Variants in MDGA2 observed in about 807,000 individuals in gnomAD.
MDGA2 encodes the protein MAM domain-containing glycosylphosphatidylinositol anchor protein 2.
MDGA2 carries 40 observed loss-of-function variants against 117.8 expected under a neutral mutation model. The observed-to-expected ratio is 0.34, with a 90% CI of 0.26 to 0.44. MDGA2 has a LOEUF of 0.44. Among genes scored for constraint, MDGA2 ranks in the 20% least tolerant of loss-of-function variants. The pLI is 1.00. For synonymous variants in MDGA2, 452 were observed against 439.0 expected (o/e 1.03, Z -0.37); for missense variants, 1,123 against 1,250.6 (o/e 0.90, Z 1.54).
chr14:47,377,929 C>G (rs1193220571), intron 1 of MDGA2, among the ~76,000 whole-genome samples: 1 of 152,174 alleles, frequency 6.6e-6, no homozygotes, highest in Non-Finnish European at 1.5e-5. Flanking sequence ...GGTCCCTGAC[C>G]CCTGAGTAGC....
At chr14:47,295,911 T>C (rs990462327) in intron 2 of MDGA2, among the ~76,000 whole-genome samples, 3 of 146,012 alleles carry the variant, frequency 2.1e-5, no homozygotes, top group African/African-American at 5.0e-5. Context: ...TCTAAAAATA[T>C]ACATATATAG....
intron 3 of MDGA2, among the ~76,000 whole-genome samples, chr14:47,167,314 T>C (rs1490279302): frequency 2.6e-5 from 4 of 152,180 alleles, no homozygotes; most frequent in Admixed American, 2.6e-4. Context: ...ACCAAGATCT[T>C]TGCTCTTCTC....
rs566213219 is a variant in MDGA2, at chr14:47,570,285, G to C, written c.280+104232C>G. On this transcript the variant is annotated intron_variant, in intron 1 of 16. Transcript: ENST00000399232. The stretch of plus-strand genomic sequence containing the variant: ...TTATATTCTTGGTGCAAATGTAATT[G>C]CGGTTTTTGCCATTACTTTCAATGG... Among the ~76,000 whole-genome samples, 29 of 152,116 alleles carry C rather than the reference G, an allele frequency of 1.9e-4. No individual in the cohort carries two copies. In the South Asian group the frequency reaches 2.1e-3, roughly 11 times the overall value.
rs575864397 is a variant in MDGA2 at position 47,435,003 on chromosome 14, G to A, written c.281-133453C>T. Among the ~76,000 whole-genome samples the A allele has an allele frequency of 1.5e-3, 227 of 152,170 alleles. 1 individual carries two copies. The highest frequency in any genetic ancestry group is 5.3e-3 in the African/African-American group (222 of 41,544). ...ATACAAAAGTTAGCCAGGTGTGGTAGTGCATGCCTGTAATTCCAGCTACTC... is the reference window on the plus strand; with the variant it reads ...ATACAAAAGTTAGCCAGGTGTGGTAATGCATGCCTGTAATTCCAGCTACTC... On this transcript the variant is annotated intron_variant, in intron 1 of 16. Transcript: ENST00000399232.
chr14:47,274,156 C>A (rs115222150), intron 2 of MDGA2, among the ~76,000 whole-genome samples: 135 of 152,082 alleles, frequency 8.9e-4, no homozygotes, highest in African/African-American at 3.1e-3. Flanking sequence ...TCACCAAAAT[C>A]AGATTTTAGA....
chr14:47,213,264 G>A (rs1885951810), intron 3 of MDGA2, among the ~76,000 whole-genome samples: 1 of 152,030 alleles, frequency 6.6e-6, no homozygotes, highest in Non-Finnish European at 1.5e-5. Context: ...TTACTCAGTT[G>A]CCTTCTAGCC....
At chr14:47,572,182 T>C (rs1896032875) in intron 1 of MDGA2, among the ~76,000 whole-genome samples, 1 of 152,228 alleles carries the variant, frequency 6.6e-6, no homozygotes, top group South Asian at 2.1e-4. Context: ...ATTTATGATT[T>C]ATTACATTGC....
At chr14:47,482,862 T>C (rs1337434868) in intron 1 of MDGA2, among the ~76,000 whole-genome samples, 1 of 148,242 alleles carries the variant, frequency 6.7e-6, no homozygotes, top group Non-Finnish European at 1.5e-5. Flanking sequence ...TCTAAAAATA[T>C]AGGCAAGAAG....
In MDGA2 at chr14:46,873,546, T is replaced by C; in HGVS notation, c.2639A>G (p.Glu880Gly). The C allele has an allele frequency of 6.2e-7, 1 of 1,612,568 alleles. No individual in the cohort carries two copies. The highest frequency in any genetic ancestry group is 8.5e-7 in the Non-Finnish European group (1 of 1,179,034). The change falls in exon 14 of 17, where the codon GAA (glutamate) becomes GGA (glycine). Residue 880 changes from glutamate to glycine, a missense_variant. Glu to Gly is a moderately conservative substitution (Grantham distance 98). Coordinates refer to ENST00000399232, the MANE Select transcript of MDGA2 (RefSeq NM_001113498.3). ...AACAGGGCTGAGAAGTCGAGCCTTTTCGCCTTCCAATCTGGGTCGTGATGT... is the reference window on the plus strand; with the variant it reads ...AACAGGGCTGAGAAGTCGAGCCTTTCCGCCTTCCAATCTGGGTCGTGATGT... Reference protein sequence around the residue: ...IETSRPRLEGEKARLLSPVFS... With the variant: ...IETSRPRLEGGKARLLSPVFS...
At chr14:47,046,257 G>A (rs544801810) in intron 7 of MDGA2, among the ~76,000 whole-genome samples, 58 of 152,164 alleles carry the variant, frequency 3.8e-4, no homozygotes, top group Non-Finnish European at 7.5e-4. Context: ...TAGGTCATTC[G>A]ATGAAGAACT....
chr14:47,448,088 G>T (rs139007592), intron 1 of MDGA2, among the ~76,000 whole-genome samples: 3 of 151,612 alleles, frequency 2.0e-5, no homozygotes, highest in Admixed American at 6.6e-5. Context: ...GATAGCTTTT[G>T]GTTTCCAGAA....
At chr14:47,290,870 G>A (rs1252579909) in intron 2 of MDGA2, among the ~76,000 whole-genome samples, 1 of 151,930 alleles carries the variant, frequency 6.6e-6, no homozygotes, top group East Asian at 1.9e-4. Flanking sequence ...ATTCTACTGT[G>A]AATCTCTGAG....
intron 9 of MDGA2, among the ~76,000 whole-genome samples, chr14:46,927,370 AAATT>A (rs1228661638): frequency 2.6e-5 from 4 of 152,148 alleles, no homozygotes; most frequent in Admixed American, 1.3e-4. Context: ...GAAAGATACT[AAATT>A]AATATGAAGA....
intron 1 of MDGA2, among the ~76,000 whole-genome samples, chr14:47,559,307 G>A (rs1034530555): frequency 6.6e-6 from 1 of 152,062 alleles, no homozygotes; most frequent in African/African-American, 2.4e-5. Flanking sequence ...TATACTTGAT[G>A]TTTAGCTGTG....
Position 46,931,548 on chromosome 14 carries a change from A to G in MDGA2, c.2090-11388T>C, listed in dbSNP as rs772827313. Among the ~76,000 whole-genome samples, 327 of 113,126 alleles carry G rather than the reference A, an allele frequency of 2.9e-3. 5 individuals carry two copies. The highest frequency in any genetic ancestry group is 0.011 in the African/African-American group (315 of 27,708). 74.2% of individuals were successfully genotyped at this position (113,126 alleles called of 152,430 possible). ...TGCTTTTTTTTTTTTTTTGAGATGGAGTCTAGCTCTGTCACCCAGGCTGGA... is the reference window on the plus strand; with the variant it reads ...TGCTTTTTTTTTTTTTTTGAGATGGGGTCTAGCTCTGTCACCCAGGCTGGA... On this transcript the variant is annotated intron_variant, in intron 9 of 16. Transcript: ENST00000399232.
At chr14:47,657,390 C>G (rs539089342) in intron 1 of MDGA2, among the ~76,000 whole-genome samples, 1 of 152,072 alleles carries the variant, frequency 6.6e-6, no homozygotes, top group Non-Finnish European at 1.5e-5. Flanking sequence ...GGGAAGAAGC[C>G]GTAGTGAAAA....
chr14:47,113,626 C>T (rs1881165310), intron 5 of MDGA2, among the ~76,000 whole-genome samples: 3 of 152,140 alleles, frequency 2.0e-5, no homozygotes, highest in Admixed American at 1.3e-4. Context: ...AAACATAATT[C>T]ATCACATAAG....
At chr14:47,203,023 A>T (rs1566678955) in intron 3 of MDGA2, among the ~76,000 whole-genome samples, 2 of 152,140 alleles carry the variant, frequency 1.3e-5, no homozygotes, top group South Asian at 4.2e-4. Flanking sequence ...AAGCTAAAGG[A>T]TTTGTGTTTA....
At chr14:47,665,666 G>A (rs950089845) in intron 1 of MDGA2, among the ~76,000 whole-genome samples, 3 of 152,150 alleles carry the variant, frequency 2.0e-5, no homozygotes, top group African/African-American at 7.2e-5. Context: ...GGGGGGCTTA[G>A]CACCTGGGCC....
Sources: gnomAD v4.1 joint callset for allele counts (sites outside exome capture counted in the v4.1 genomes callset) on GRCh38, gnomAD v4.1.1 for gene constraint, MANE v1.5 for transcripts, NCBI Gene and HGNC (gene_info 2026-07-23, HGNC 2026-07-21) for gene names.